Variants in KIF16B observed in about 807,000 individuals in gnomAD.
KIF16B encodes the protein kinesin-like protein KIF16B.
A neutral mutation model predicts 156.3 loss-of-function variants in KIF16B; 98 were observed. That is an observed-to-expected ratio of 0.63 (90% CI 0.53 to 0.74). KIF16B has a LOEUF of 0.74. Among genes scored for constraint, KIF16B ranks in the 30% least tolerant of loss-of-function variants. KIF16B has a pLI of 0.00. For synonymous variants in KIF16B, 564 were observed against 583.7 expected (o/e 0.97, Z 0.49); for missense variants, 1,421 against 1,606.5 (o/e 0.88, Z 1.97).
At chr20:16,436,587 T>G (rs998616487) in intron 12 of KIF16B, among the ~76,000 whole-genome samples, 3 of 152,224 alleles carry the variant, frequency 2.0e-5, no homozygotes, top group African/African-American at 7.2e-5. Context: ...GGGGGTATTC[T>G]GGAATCATCA....
At chr20:16,301,414 C>A (rs1362545257) in intron 25 of KIF16B, among the ~76,000 whole-genome samples, 1 of 152,176 alleles carries the variant, frequency 6.6e-6, no homozygotes, top group African/African-American at 2.4e-5. Context: ...ATCGCCAAAA[C>A]TGTGCAAAGT....
At chr20:16,392,506 G>T (rs1215307611) in intron 17 of KIF16B, among the ~76,000 whole-genome samples, 2 of 152,172 alleles carry the variant, frequency 1.3e-5, no homozygotes, top group Non-Finnish European at 2.9e-5. Flanking sequence ...TTCATAAAAG[G>T]CACCGCAGTT....
chr20:16,289,181 G>A (rs35933731), intron 25 of KIF16B, among the ~76,000 whole-genome samples: 4,845 of 152,142 alleles, frequency 0.032, 80 homozygotes, highest in Middle Eastern at 0.037. Context: ...ATTGAATACT[G>A]TGCTAAAAGT....
intron 1 of KIF16B, among the ~76,000 whole-genome samples, chr20:16,544,816 A>G (rs1282043587): frequency 1.3e-5 from 2 of 152,008 alleles, no homozygotes; most frequent in Non-Finnish European, 2.9e-5. Context: ...CATATATTTC[A>G]CAACACCTAG....
intron 24 of KIF16B, among the ~76,000 whole-genome samples, chr20:16,325,136 T>C (rs562829497): frequency 6.6e-6 from 1 of 152,130 alleles, no homozygotes; most frequent in African/African-American, 2.4e-5. Context: ...AAAATCGGCA[T>C]AGAAGGGACA....
rs527580412 is a variant in KIF16B, at chr20:16,319,678, G to A, written c.3712-7260C>T. Reference sequence around the variant, plus strand: ...GGCTCAAATATAGACTAGTGTGATTGTTAAAATCTCTGAGGGGGGCCAGTC... The same window carrying A: ...GGCTCAAATATAGACTAGTGTGATTATTAAAATCTCTGAGGGGGGCCAGTC... On this transcript the variant is annotated intron_variant, in intron 24 of 25. Coordinates refer to ENST00000354981, the MANE Select transcript of KIF16B (RefSeq NM_024704.5). 6.6e-5 allele frequency among the ~76,000 whole-genome samples: 10 copies of A among 152,236 alleles called. No individual in the cohort carries two copies. The South Asian group carries it at 2.1e-3, about 32-fold the overall frequency.
intron 17 of KIF16B, among the ~76,000 whole-genome samples, chr20:16,394,527 A>G (rs1426448656): frequency 1.3e-5 from 2 of 152,348 alleles, no homozygotes; most frequent in East Asian, 3.9e-4. Flanking sequence ...AAAACGCAAG[A>G]CAACTGAGAC....
rs116043124 is a variant in KIF16B, at chr20:16,411,706, G to A, written c.1613-5250C>T. ...TTTTTTGTCCTTTGTGGGCATACTC[G>A]TATGGGGAATCTGGACATGTGCCGA... On this transcript the variant is annotated intron_variant, in intron 15 of 25. Transcript: ENST00000354981. Among the ~76,000 whole-genome samples the A allele has an allele frequency of 7.0e-3, 1,063 of 152,094 alleles. 17 individuals carry two copies. The highest frequency in any genetic ancestry group is 0.024 in the African/African-American group (992 of 41,510).
At position 16,379,694 on chromosome 20, in the gene KIF16B, G is replaced by A. The variant is rs2065042875; in HGVS notation, c.2308C>T (p.Arg770Ter). The change falls in exon 19 of 26, where the codon CGA (arginine) becomes TGA (stop). Residue 770 changes from arginine (R) to a stop codon, truncating the protein, a stop_gained. Coordinates refer to ENST00000354981, the MANE Select transcript of KIF16B (RefSeq NM_024704.5). LOFTEE classifies it high-confidence loss of function. ...MLVAHLEEQLREKQEMIQLLR... is the reference protein window; with the variant it reads ...MLVAHLEEQL ...AGCTGGATCATCTCCTGCTTCTCTC[G>A]GAGCTGCTCTTCCAGATGGGCCACG... is the stretch of plus-strand genomic sequence containing the variant. 2.5e-6 allele frequency: 4 copies of A among 1,613,878 alleles called. No homozygotes were observed. The highest frequency in any genetic ancestry group is 1.3e-5 in the African/African-American group (1 of 74,828).
chr20:16,299,718 C>T (rs1408113881), intron 25 of KIF16B, among the ~76,000 whole-genome samples: 1 of 152,156 alleles, frequency 6.6e-6, no homozygotes, highest in Non-Finnish European at 1.5e-5. Context: ...TCCTCAAGTA[C>T]TTCTGGCTCT....
intron 22 of KIF16B, among the ~76,000 whole-genome samples, chr20:16,365,556 T>C (rs539029256): frequency 1.3e-5 from 2 of 152,314 alleles, no homozygotes; most frequent in South Asian, 2.1e-4. Context: ...CATTCTCCAA[T>C]TCCCTGTCTT....
chr20:16,426,158 A>C (rs1361445294), intron 15 of KIF16B, among the ~76,000 whole-genome samples: 1 of 152,182 alleles, frequency 6.6e-6, no homozygotes, highest in Non-Finnish European at 1.5e-5. Context: ...GGGGACACAG[A>C]GCCAAAACAT....
Position 16,321,060 on chromosome 20 carries a change from C to T in KIF16B, c.3712-8642G>A, listed in dbSNP as rs193015813. On this transcript the variant is annotated intron_variant, in intron 24 of 25. Coordinates refer to ENST00000354981, the MANE Select transcript of KIF16B (RefSeq NM_024704.5). ...ACCATATCTAGAATAAACACAATGT[C>T]GTAAAGTTATTTCACTCTTTTCCCT... is the stretch of plus-strand genomic sequence containing the variant. Among the ~76,000 whole-genome samples the T allele has an allele frequency of 3.9e-5, 6 of 152,086 alleles. No individual in the cohort carries two copies. The East Asian group carries it at 1.2e-3, about 29-fold the overall frequency.
chr20:16,325,558 G>GA lies in KIF16B; in HGVS notation c.3711+10367dup, dbSNP rs56094995. Among the ~76,000 whole-genome samples, 389 of 145,374 alleles carry GA rather than the reference G, an allele frequency of 2.7e-3. 3 individuals are homozygous for GA. In the East Asian group the frequency reaches 0.029, roughly 11 times the overall value. ...GAAATCAACCCCTTTTACAATAGCTGAAAAAAAAAAAAAACTTAGAAATGT... is the reference window on the plus strand; with the variant it reads ...GAAATCAACCCCTTTTACAATAGCTGAAAAAAAAAAAAAAACTTAGAAATGT... On this transcript the variant is annotated intron_variant, in intron 24 of 25. Transcript: ENST00000354981.
intron 1 of KIF16B, among the ~76,000 whole-genome samples, chr20:16,534,158 G>A (rs2069863341): frequency 6.6e-6 from 1 of 152,052 alleles, no homozygotes; most frequent in African/African-American, 2.4e-5. Context: ...GGGAGGCTGA[G>A]GCAGGAGAAT....
At chr20:16,448,375 G>A (rs766052518) in intron 12 of KIF16B, among the ~76,000 whole-genome samples, 2 of 152,162 alleles carry the variant, frequency 1.3e-5, no homozygotes, top group Non-Finnish European at 2.9e-5. Context: ...AAGATATTAT[G>A]GGAATAAGCC....
intron 25 of KIF16B, among the ~76,000 whole-genome samples, chr20:16,300,247 T>C (rs1382363487): frequency 6.6e-6 from 1 of 152,192 alleles, no homozygotes; most frequent in African/African-American, 2.4e-5. Flanking sequence ...TGAATAAATA[T>C]GGTGCTTGAT....
intron 3 of KIF16B, among the ~76,000 whole-genome samples, chr20:16,525,653 A>G (rs6135784): frequency 0.24 from 36,228 of 152,138 alleles, 4,941 homozygotes; most frequent in East Asian, 0.35. Flanking sequence ...AATCCACTCT[A>G]AAACCTGTAA....
chr20:16,469,280 A>AAAAAAAAAAAAAAAAAAAAAAAT (rs2067588908), intron 12 of KIF16B, among the ~76,000 whole-genome samples: 1 of 147,638 alleles, frequency 6.8e-6, no homozygotes, highest in Admixed American at 6.8e-5. Flanking sequence ...AAAAAAAAAA[A>AAAAAAAAAAAAAAAAAAAAAAAT]TGGTCTCCTT....
Sources: allele counts gnomAD v4.1 joint callset (sites outside exome capture counted in the v4.1 genomes callset), GRCh38; gene constraint gnomAD v4.1.1; transcripts MANE v1.5; gene names NCBI Gene and HGNC (gene_info 2026-07-23, HGNC 2026-07-21).